ZNF469: variants seen among roughly 807,000 people sequenced by gnomAD.
The protein encoded by ZNF469 is zinc finger protein 469.
ZNF469 carries 1 observed loss-of-function variant against 1.0 expected under a neutral mutation model. The observed-to-expected ratio is 1.00, with a 90% CI of 0.35 to 4.73. The LOEUF is 4.73. Ranked by LOEUF, ZNF469 falls within the 30% of genes most tolerant of loss-of-function variation. The pLI, the probability that ZNF469 is intolerant of heterozygous loss-of-function variation, is 0.16. For synonymous variants in ZNF469, 2,703 were observed against 2,363.4 expected, an observed-to-expected ratio of 1.14 and a Z score of -4.17; for missense variants, 6,100 against 5,356.3, an observed-to-expected ratio of 1.14 and a Z score of -4.33.
At chr16:88,119,924 G>A in the ZNF469 span, among the ~76,000 whole-genome samples, 5 of 152,208 alleles carry the variant, frequency 3.3e-5, no homozygotes, top group Non-Finnish European at 5.9e-5. Context: ...AGCGAGAGCC[G>A]TCTGTGGAGT....
chr16:88,381,039 T>G (rs1036364413), upstream of ZNF469, among the ~76,000 whole-genome samples: 1 of 72,014 alleles, frequency 1.4e-5, no homozygotes, highest in African/African-American at 5.3e-5. Flanking sequence ...CTCACACACA[T>G]GCACTCACAC....
At chr16:88,297,322 G>T in the ZNF469 span, among the ~76,000 whole-genome samples, 1 of 152,172 alleles carries the variant, frequency 6.6e-6, no homozygotes, top group Non-Finnish European at 1.5e-5. Flanking sequence ...GCAGGGTCCC[G>T]CCAGGGATGA....
upstream of ZNF469, among the ~76,000 whole-genome samples, chr16:88,382,548 C>A (rs913382486): frequency 6.6e-6 from 1 of 152,222 alleles, no homozygotes; most frequent in Admixed American, 6.5e-5. Flanking sequence ...ACTTGAGCCA[C>A]TCAAACCGAA....
At chr16:88,197,486 C>T in the ZNF469 span, among the ~76,000 whole-genome samples, 1,867 of 152,324 alleles carry the variant, frequency 0.012, 77 homozygotes, top group East Asian at 0.14. Flanking sequence ...ATGTCTTTCC[C>T]AAGGGAATGT....
chr16:88,141,939 G>A, the ZNF469 span, among the ~76,000 whole-genome samples: 1 of 152,222 alleles, frequency 6.6e-6, no homozygotes, highest in East Asian at 1.9e-4. Flanking sequence ...CAGAGCTGTG[G>A]GAGAATGCAT....
At chr16:88,133,067 G>A in the ZNF469 span, among the ~76,000 whole-genome samples, 1 of 152,172 alleles carries the variant, frequency 6.6e-6, no homozygotes, top group African/African-American at 2.4e-5. Flanking sequence ...GTTGGGGGCC[G>A]GGGGGCTGCC....
rs2142317351 is a variant in ZNF469, at chr16:88,438,739, C to G, written c.11269C>G (p.Leu3757Val). 1.3e-6 allele frequency: 2 copies of G among 1,550,058 alleles called. No individual in the cohort carries two copies. The highest frequency in any genetic ancestry group is 2.4e-5 in the South Asian group (2 of 84,036). ...CCAGCCCCAGCCAGCCAGCGGGCAGCTCCAGAGCGAGACAGCCACCACCCC... is the reference window on the plus strand; with the variant it reads ...CCAGCCCCAGCCAGCCAGCGGGCAGGTCCAGAGCGAGACAGCCACCACCCC... ...GSQPQPASGQ[L>V]QSETATTPAK... The change falls in exon 3 of 3, where the codon CTC becomes GTC. Residue 3757 changes from leucine to valine, a missense_variant. By Grantham distance (32) the Leu-to-Val change is conservative (BLOSUM62 1). Coordinates refer to ENST00000565624, the MANE Select transcript of ZNF469 (RefSeq NM_001367624.2).
chr16:88,173,298 G>C, the ZNF469 span, among the ~76,000 whole-genome samples: 1 of 152,252 alleles, frequency 6.6e-6, no homozygotes, highest in Non-Finnish European at 1.5e-5. Flanking sequence ...ATGCAAGCCA[G>C]AAGGCCATGG....
At chr16:88,115,066 G>A in the ZNF469 span, among the ~76,000 whole-genome samples, 20 of 152,176 alleles carry the variant, frequency 1.3e-4, no homozygotes, top group Non-Finnish European at 2.4e-4. Context: ...CGGTGGCTCC[G>A]CAGGGAAACG....
At chr16:88,256,886 TTTTCTTTCCTTCTTTCTTTCTTTC>T in the ZNF469 span, among the ~76,000 whole-genome samples, 3 of 101,846 alleles carry the variant, frequency 2.9e-5, no homozygotes, top group Admixed American at 1.1e-4. Flanking sequence ...TTTTCTTTTC[TTTTCTTTCCTTCTTTCTTTCTTTC>T]TTTCTTTCTT....
Position 88,429,583 on chromosome 16 carries a change from T to A in ZNF469, c.2113T>A (p.Phe705Ile). Residue 705 changes from phenylalanine to isoleucine, a missense_variant, in exon 3 of 3, where the codon TTC becomes ATC. By Grantham distance (21) the Phe-to-Ile change is conservative. Transcript: ENST00000565624. ...PEVGRGGLQG[F>I]PRAPPPYPTH... The stretch of plus-strand genomic sequence containing the variant: ...GGTGGGTCGGGGAGGGCTGCAGGGC[T>A]TCCCCCGTGCGCCGCCTCCGTACCC... The A allele has an allele frequency of 6.5e-7, 1 of 1,549,760 alleles. No homozygotes were observed. Among genetic ancestry groups the A allele is most frequent in the South Asian group, 1.2e-5 (1 of 84,028 alleles).
chr16:88,279,375 C>T, the ZNF469 span, among the ~76,000 whole-genome samples: 2 of 151,268 alleles, frequency 1.3e-5, no homozygotes. Context: ...GACGCTCAGT[C>T]AGTACCTTGT....
chr16:88,188,961 G>C, the ZNF469 span, among the ~76,000 whole-genome samples: 1 of 152,042 alleles, frequency 6.6e-6, no homozygotes, highest in East Asian at 1.9e-4. Flanking sequence ...TGGATGCTCA[G>C]TAAGCCAAAT....
At chr16:88,273,007 CG>C in the ZNF469 span, among the ~76,000 whole-genome samples, 356 of 148,536 alleles carry the variant, frequency 2.4e-3, 1 homozygote, top group African/African-American at 8.7e-3. Context: ...TGTGGATAGA[CG>C]AGTGGACGGA....
the ZNF469 span, among the ~76,000 whole-genome samples, chr16:88,277,212 G>A: frequency 4.6e-4 from 64 of 139,768 alleles, 2 homozygotes; most frequent in South Asian, 0.011. Flanking sequence ...ATCAGTGCAC[G>A]GTTAGTGCTG....
chr16:88,432,267 C>CGGCACA lies in ZNF469; in HGVS notation c.4805_4810dup (p.Gly1602_Thr1603dup). The stretch of plus-strand genomic sequence containing the variant: ...CTGAGTCGGTGGGCAGGGTGGAGCT[C>CGGCACA]GGCACAGGCACAGAGCCACCCTCCC... On this transcript the variant is annotated inframe_insertion, in exon 3 of 3. Transcript: ENST00000565624. 1 of 1,547,626 alleles carries CGGCACA rather than the reference C, an allele frequency of 6.5e-7. No homozygotes were observed. The highest frequency in any genetic ancestry group is 8.7e-7 in the Non-Finnish European group (1 of 1,146,976).
At chr16:88,292,773 G>C in the ZNF469 span, among the ~76,000 whole-genome samples, 2 of 112,094 alleles carry the variant, frequency 1.8e-5, no homozygotes, top group African/African-American at 7.1e-5. Context: ...TTCCCCATAT[G>C]TTAGCTGTCT....
chr16:88,224,605 G>T, the ZNF469 span, among the ~76,000 whole-genome samples: 2 of 152,234 alleles, frequency 1.3e-5, no homozygotes, highest in Admixed American at 6.5e-5. Context: ...AGGCTGAGCA[G>T]CCTGACACGC....
chr16:88,369,101 G>A, the ZNF469 span, among the ~76,000 whole-genome samples: 9 of 151,016 alleles, frequency 6.0e-5, no homozygotes, highest in East Asian at 5.8e-4. Context: ...AGCCCTGGGC[G>A]GCAGGTCTCC....
Sources: gnomAD v4.1 joint callset for allele counts (sites outside exome capture counted in the v4.1 genomes callset) on GRCh38, gnomAD v4.1.1 for gene constraint, MANE v1.5 for transcripts, NCBI Gene and HGNC (gene_info 2026-07-23, HGNC 2026-07-21) for gene names.